Variants in CSMD1 observed in about 807,000 individuals in gnomAD.
CSMD1 encodes the protein CUB and Sushi multiple domains 1.
Under a neutral mutation model 417.5 loss-of-function variants are expected in CSMD1, and 213 were observed. The ratio of observed to expected loss-of-function variants is 0.51; its 90% CI spans 0.46 to 0.57. The LOEUF (loss-of-function observed/expected upper bound fraction) is 0.57. CSMD1 is among the 20% of genes least tolerant of loss of function. CSMD1 has a pLI of 0.00. For synonymous variants in CSMD1, 2,862 were observed against 1,736.8 expected, an observed-to-expected ratio of 1.65 and a Z score of -16.11; for missense variants, 6,923 against 4,529.7, an observed-to-expected ratio of 1.53 and a Z score of -15.17.
At position 3,809,176 on chromosome 8, in the gene CSMD1, C is replaced by G. The variant is rs1053265756; in HGVS notation, c.819-55134G>C. ...CCAGCCCCCACAGACCTCATTCTTACTGTCCTTTACTAATATAACTTCTCA... is the reference window on the plus strand; with the variant it reads ...CCAGCCCCCACAGACCTCATTCTTAGTGTCCTTTACTAATATAACTTCTCA... On this transcript the variant is annotated intron_variant, in intron 5 of 69. Transcript: ENST00000635120. Among the ~76,000 whole-genome samples the G allele has an allele frequency of 2.0e-5, 3 of 152,156 alleles. No individual in the cohort carries two copies. The South Asian group carries it at 6.2e-4, about 32-fold the overall frequency.
chr8:4,081,325 T>A (rs75321023), intron 3 of CSMD1, among the ~76,000 whole-genome samples: 3 of 152,196 alleles, frequency 2.0e-5, no homozygotes, highest in Admixed American at 6.5e-5. Context: ...CCACGTTGAA[T>A]AGGTTTGATA....
chr8:4,847,354 T>C (rs1377668712), intron 1 of CSMD1, among the ~76,000 whole-genome samples: 1 of 152,216 alleles, frequency 6.6e-6, no homozygotes, highest in African/African-American at 2.4e-5. Context: ...ACAATGACAC[T>C]AACATCACAT....
chr8:3,139,933 C>A (rs374197359), intron 41 of CSMD1, among the ~76,000 whole-genome samples: 1 of 147,620 alleles, frequency 6.8e-6, no homozygotes, highest in African/African-American at 2.5e-5. Context: ...GATGGAGTCT[C>A]CCTCTGTCAC....
intron 66 of CSMD1, 102 bp from the exon 67 acceptor site, chr8:2,950,445 C>G: frequency 1.4e-6 from 1 of 700,960 alleles, no homozygotes; most frequent in African/African-American, 1.8e-5. Flanking sequence ...ATAATATCAT[C>G]GATAATAGAA....
At chr8:4,133,248 A>G (rs1803219895) in intron 3 of CSMD1, among the ~76,000 whole-genome samples, 1 of 152,174 alleles carries the variant, frequency 6.6e-6, no homozygotes, top group Non-Finnish European at 1.5e-5. Context: ...TAAACATCTA[A>G]TAATATTATT....
At chr8:4,493,307 A>C (rs1801802115) in intron 2 of CSMD1, among the ~76,000 whole-genome samples, 1 of 152,038 alleles carries the variant, frequency 6.6e-6, no homozygotes, top group South Asian at 2.1e-4. Context: ...AGAGAGAGAG[A>C]GTTTGTGCGT....
intron 26 of CSMD1, among the ~76,000 whole-genome samples, chr8:3,250,585 G>A (rs1364619722): frequency 6.6e-6 from 1 of 152,170 alleles, no homozygotes; most frequent in Non-Finnish European, 1.5e-5. Flanking sequence ...GTAATGGGAT[G>A]GCTGGGTCAA....
chr8:3,476,564 G>A (rs536760149), intron 11 of CSMD1, among the ~76,000 whole-genome samples: 90 of 152,114 alleles, frequency 5.9e-4, no homozygotes, highest in African/African-American at 2.1e-3. Context: ...CAATCTCAAA[G>A]GTTACACAGA....
At chr8:4,687,817 A>C (rs377253428) in intron 1 of CSMD1, among the ~76,000 whole-genome samples, 24 of 136,292 alleles carry the variant, frequency 1.8e-4, no homozygotes, top group African/African-American at 6.0e-4. Flanking sequence ...ACAGATACAC[A>C]CAAACACACA....
chr8:4,991,283 G>A (rs1468987974), intron 1 of CSMD1, among the ~76,000 whole-genome samples: 1 of 152,106 alleles, frequency 6.6e-6, no homozygotes, highest in African/African-American at 2.4e-5. Flanking sequence ...AAAGAGAAAG[G>A]CACACTTGGG....
intron 25 of CSMD1, among the ~76,000 whole-genome samples, chr8:3,291,400 G>C (rs758606356): frequency 4.4e-4 from 67 of 152,114 alleles, no homozygotes; most frequent in Non-Finnish European, 7.1e-4. Context: ...AATAAGGATT[G>C]GTAGCAGCTC....
chr8:4,942,031 G>C (rs1310452306), intron 1 of CSMD1, among the ~76,000 whole-genome samples: 2 of 152,024 alleles, frequency 1.3e-5, no homozygotes, highest in Non-Finnish European at 2.9e-5. Context: ...AATTACCCTG[G>C]GTAAATGGGA....
chr8:3,257,054 G>A (rs777314638), intron 26 of CSMD1, among the ~76,000 whole-genome samples: 2 of 152,134 alleles, frequency 1.3e-5, no homozygotes, highest in South Asian at 2.1e-4. Context: ...AGGTACAGTG[G>A]CTCATGCCTG....
intron 26 of CSMD1, 51 bp from the exon 27 acceptor site, chr8:3,230,282 C>A: frequency 7.0e-7 from 1 of 1,437,892 alleles, no homozygotes; most frequent in East Asian, 2.4e-5. Flanking sequence ...ATGGTTTCCA[C>A]ATTCTTGTCG....
chr8:4,195,332 C>A (rs1388809872), intron 3 of CSMD1, among the ~76,000 whole-genome samples: 1 of 152,142 alleles, frequency 6.6e-6, no homozygotes, highest in Non-Finnish European at 1.5e-5. Context: ...TTCTATAGAA[C>A]AGGATAAGTT....
intron 1 of CSMD1, among the ~76,000 whole-genome samples, chr8:4,671,885 A>G (rs185980518): frequency 1.3e-5 from 2 of 152,280 alleles, no homozygotes; most frequent in Admixed American, 1.3e-4. Flanking sequence ...ACGAGAAGAT[A>G]GAAACCCTCC....
intron 11 of CSMD1, among the ~76,000 whole-genome samples, chr8:3,492,043 A>G (rs1207889863): frequency 3.9e-5 from 6 of 152,206 alleles, no homozygotes; most frequent in Non-Finnish European, 5.9e-5. Context: ...GAGGAAAAGG[A>G]TTAATCAGTG....
In CSMD1 at chr8:3,071,886, G is replaced by A. The variant is rs146796607; in HGVS notation, c.7474+15211C>T. Among the ~76,000 whole-genome samples, 42 of 152,272 alleles carry A rather than the reference G, an allele frequency of 2.8e-4. No individual in the cohort carries two copies. In the Middle Eastern group the frequency reaches 0.017, roughly 62 times the overall value. On this transcript the variant is annotated intron_variant, in intron 49 of 69. Transcript: ENST00000635120. Reference sequence around the variant, plus strand: ...TCTATCACAGAACACTGCACCATGTGCACATAATTGAAACTCCTGTGCCCC... The same window carrying A: ...TCTATCACAGAACACTGCACCATGTACACATAATTGAAACTCCTGTGCCCC...
At chr8:3,484,528 C>A (rs1817915487) in intron 11 of CSMD1, among the ~76,000 whole-genome samples, 1 of 152,130 alleles carries the variant, frequency 6.6e-6, no homozygotes, top group East Asian at 1.9e-4. Context: ...TACAGCTAGG[C>A]AAAGAATCCT....
Sources: gnomAD v4.1 joint callset for allele counts (sites outside exome capture counted in the v4.1 genomes callset) on GRCh38, gnomAD v4.1.1 for gene constraint, MANE v1.5 for transcripts, NCBI Gene and HGNC (gene_info 2026-07-23, HGNC 2026-07-21) for gene names.